Variants in PM20D2 observed in about 807,000 individuals in gnomAD.
The protein encoded by PM20D2 is peptidase M20 domain containing 2, also known as xaa-Arg dipeptidase.
Under a neutral mutation model 42.9 loss-of-function variants are expected in PM20D2, and 33 were observed. The ratio of observed to expected loss-of-function variants is 0.77; its 90% CI spans 0.58 to 1.03. The LOEUF (loss-of-function observed/expected upper bound fraction) is 1.03, where lower values mean the gene tolerates loss of function less well. Ranked by LOEUF, PM20D2 falls within the 50% of genes least tolerant of loss-of-function variation. PM20D2 has a pLI of 0.00. For missense variants in PM20D2, 548 were observed against 557.0 expected (o/e 0.98, Z 0.16); for synonymous variants, 250 against 228.2 (o/e 1.10, Z -0.86).
At position 89,162,332 on chromosome 6, in the gene PM20D2, G is replaced by C; in HGVS notation, c.*69G>C. ...TTTTCTTTTAATCTCTTTTAATGAA[G>C]GCATGCTTGTTTTTTAATCTTAAAG... On this transcript the variant is annotated 3_prime_UTR_variant, in exon 7 of 7. Coordinates refer to ENST00000275072, the MANE Select transcript of PM20D2 (RefSeq NM_001010853.3). 7.0e-7 allele frequency: 1 copy of C among 1,436,542 alleles called. No homozygotes were observed. Among genetic ancestry groups the C allele is most frequent in the Non-Finnish European group, 9.4e-7 (1 of 1,059,000 alleles). The allele number at this position is 1,436,542 out of a possible 1,614,324, so 89.0% of individuals were successfully genotyped here.
Position 89,153,157 on chromosome 6 carries a change from G to T in PM20D2, c.729G>T (p.Gln243His). ...LAYNNLSVFR[Q>H]QMKPTWRVHG... ...ATAACAATCTGTCTGTGTTCAGACA[G>T]CAAATGAAACCAACCTGGAGAGTTC... Residue 243 changes from glutamine (Q) to histidine (H), a missense_variant, in exon 3 of 7, where the codon CAG (glutamine) becomes CAT (histidine). Physicochemically the swap from Gln to His is conservative, Grantham distance 24. Transcript: ENST00000275072. 6.2e-7 allele frequency: 1 copy of T among 1,606,908 alleles called. No homozygotes were observed. The highest frequency in any genetic ancestry group is 8.5e-7 in the Non-Finnish European group (1 of 1,177,164).
chr6:89,099,470 GTA>G, the PM20D2 span, among the ~76,000 whole-genome samples: 89 of 137,782 alleles, frequency 6.5e-4, 1 homozygote, highest in African/African-American at 2.3e-3. Context: ...ATATGTGTGT[GTA>G]TATATATATG....
the PM20D2 span, among the ~76,000 whole-genome samples, chr6:89,130,819 C>CTTTTTTTT: frequency 2.8e-3 from 68 of 24,054 alleles, 3 homozygotes; most frequent in Non-Finnish European, 3.9e-3. Flanking sequence ...GCTTCTTCTT[C>CTTTTTTTT]TTTTTTTTTT....
chr6:89,143,546 T>C (rs1345304234), upstream of PM20D2, among the ~76,000 whole-genome samples: 1 of 152,226 alleles, frequency 6.6e-6, no homozygotes, highest in Non-Finnish European at 1.5e-5. Context: ...CCAAAAAGGT[T>C]ATACATCTTA....
chr6:89,128,219 A>G, the PM20D2 span, among the ~76,000 whole-genome samples: 1 of 152,222 alleles, frequency 6.6e-6, no homozygotes, highest in Non-Finnish European at 1.5e-5. Context: ...AGCAAAGAAT[A>G]TTAATATTAA....
the PM20D2 span, among the ~76,000 whole-genome samples, chr6:89,100,780 A>G: frequency 6.6e-6 from 1 of 152,208 alleles, no homozygotes; most frequent in Non-Finnish European, 1.5e-5. Flanking sequence ...AAGTCATTAG[A>G]TGGTCTTAAC....
At chr6:89,128,399 T>C in the PM20D2 span, among the ~76,000 whole-genome samples, 32 of 147,766 alleles carry the variant, frequency 2.2e-4, no homozygotes, top group African/African-American at 8.3e-4. Context: ...TGTGGTCAGA[T>C]CAGTTCTCTG....
chr6:89,127,794 G>T, the PM20D2 span, among the ~76,000 whole-genome samples: 14 of 152,232 alleles, frequency 9.2e-5, no homozygotes, highest in African/African-American at 2.4e-4. Context: ...TAGTCCTGTT[G>T]TGGGAAGTCA....
the PM20D2 span, chr6:89,105,408 A>G: frequency 6.3e-7 from 1 of 1,583,384 alleles, no homozygotes. Context: ...AATAAAATCT[A>G]GCATTCAGTC....
the PM20D2 span, among the ~76,000 whole-genome samples, chr6:89,129,812 CTCA>C: frequency 6.6e-6 from 1 of 151,978 alleles, no homozygotes; most frequent in Non-Finnish European, 1.5e-5. Flanking sequence ...CCAGGCTGGT[CTCA>C]AACTTTGCTT....
intron 1 of PM20D2, 72 bp downstream of exon 1, chr6:89,146,681 C>T: frequency 2.4e-6 from 3 of 1,232,994 alleles, no homozygotes; most frequent in South Asian, 1.9e-5. Context: ...GGGCGGGACT[C>T]TCGTGCGTCC....
the PM20D2 span, among the ~76,000 whole-genome samples, chr6:89,135,116 T>C: frequency 2.6e-5 from 4 of 151,014 alleles, no homozygotes; most frequent in East Asian, 7.7e-4. Flanking sequence ...CTAACAACTA[T>C]TGCTACAGAT....
At chr6:89,119,936 T>C in the PM20D2 span, among the ~76,000 whole-genome samples, 2 of 152,194 alleles carry the variant, frequency 1.3e-5, no homozygotes, top group African/African-American at 4.8e-5. Context: ...TGAGCCACTG[T>C]ATTAGTCCGT....
At chr6:89,156,195 T>C (rs1771044834) in intron 4 of PM20D2, among the ~76,000 whole-genome samples, 1 of 152,170 alleles carries the variant, frequency 6.6e-6, no homozygotes, top group South Asian at 2.1e-4. Context: ...TTTTGTTGAT[T>C]TGAACTATAA....
Position 89,146,588 on chromosome 6 carries a change from C to G in PM20D2, c.444C>G (p.Pro148=). The G allele has an allele frequency of 2.1e-6, 3 of 1,460,874 alleles. No homozygotes were observed. Among genetic ancestry groups the G allele is most frequent in the Non-Finnish European group, 1.8e-6 (2 of 1,112,840 alleles). 90.5% of individuals were successfully genotyped at this position (1,460,874 alleles called of 1,614,324 possible). ...TGAGGGGGGCCTTAGAGGGCCTCCC[C>G]AGGCCGCCTCCGCCCGTGAAGGTGA... The part of the protein sequence containing the change: ...LGVRGALEGL[P]RPPPPVKVVV... The change falls in exon 1 of 7, where the codon CCC becomes CCG. Residue 148 remains proline, a synonymous_variant. Transcript: ENST00000275072.
the PM20D2 span, among the ~76,000 whole-genome samples, chr6:89,114,203 G>A: frequency 1.2e-4 from 18 of 152,144 alleles, no homozygotes; most frequent in African/African-American, 2.9e-4. Flanking sequence ...CAAGGTGGGC[G>A]GATTACCTGA....
At chr6:89,148,559 T>C in intron 1 of PM20D2, 3 of 983,642 alleles carry the variant, frequency 3.0e-6, no homozygotes, top group Non-Finnish European at 3.6e-6. Context: ...CTGGTTGAAC[T>C]GGTGGAATCG....
the PM20D2 span, among the ~76,000 whole-genome samples, chr6:89,109,906 A>C: frequency 6.6e-6 from 1 of 152,152 alleles, no homozygotes; most frequent in African/African-American, 2.4e-5. Flanking sequence ...CTTGGCTAAG[A>C]GGGTGAAACC....
Position 89,146,572 on chromosome 6 carries a change from C to G in PM20D2, c.428C>G (p.Ala143Gly). Residue 143 changes from alanine (A) to glycine (G), a missense_variant, in exon 1 of 7, where the codon GCC (alanine) becomes GGC (glycine). Coordinates refer to ENST00000275072, the MANE Select transcript of PM20D2 (RefSeq NM_001010853.3). ...GAAAALGVRG[A>G]LEGLPRPPPP... ...GCGGCCGCGCTGGGCGTGAGGGGGG[C>G]CTTAGAGGGCCTCCCCAGGCCGCCT... 6.7e-7 allele frequency: 1 copy of G among 1,481,498 alleles called. No homozygotes were observed. Among genetic ancestry groups the G allele is most frequent in the Middle Eastern group, 2.4e-4 (1 of 4,208 alleles). The allele number at this position is 1,481,498 out of a possible 1,614,324, so 91.8% of individuals were successfully genotyped here. A position where few individuals can be genotyped will look rare whatever the true frequency, so the allele number is the denominator to read the frequency against.
Sources: allele counts gnomAD v4.1 joint callset (sites outside exome capture counted in the v4.1 genomes callset), GRCh38; gene constraint gnomAD v4.1.1; transcripts MANE v1.5; gene names NCBI Gene and HGNC (gene_info 2026-07-23, HGNC 2026-07-21).